The following BDNF variants were observed in gnomAD, a reference collection of about 807,000 sequenced individuals.
BDNF encodes brain derived neurotrophic factor.
Under a neutral mutation model 19.5 loss-of-function variants are expected in BDNF, and 1 was observed. That is an observed-to-expected ratio of 0.05 (90% CI 0.02 to 0.24). The LOEUF (loss-of-function observed/expected upper bound fraction) is 0.24. Among genes scored for constraint, BDNF ranks in the 10% least tolerant of loss-of-function variants. BDNF has a pLI of 1.00. For synonymous variants in BDNF, 100 were observed against 121.6 expected, an observed-to-expected ratio of 0.82 and a Z score of 1.17; for missense variants, 195 against 317.6, an observed-to-expected ratio of 0.61 and a Z score of 2.93.
At chr11:27,686,958 C>T (rs868509641) in intron 1 of BDNF, among the ~76,000 whole-genome samples, 1 of 152,126 alleles carries the variant, frequency 6.6e-6, no homozygotes, top group Non-Finnish European at 1.5e-5. Flanking sequence ...GCTTGTCTTG[C>T]TAGTTTGGGG....
In BDNF at chr11:27,665,732, C is replaced by A. The variant is rs533319431; in HGVS notation, c.-21-7147G>T. ...GCGAGGCTGGGGGAGGGGTGTCCAC[C>A]ATTGCTGAGACTTGAGTAGGTAAAC... On this transcript the variant is annotated intron_variant, in intron 1 of 1. Transcript: ENST00000356660. 4.6e-5 allele frequency among the ~76,000 whole-genome samples: 7 copies of A among 152,272 alleles called. No individual in the cohort carries two copies. In the South Asian group the frequency reaches 1.5e-3, roughly 32 times the overall value.
In BDNF at chr11:27,698,226, C is replaced by CAAAAAAAAAAAAAAAAAAAAAAAAA. The variant is rs10626744; in HGVS notation, c.-22+1913_-22+1937dup. On this transcript the variant is annotated intron_variant, in intron 1 of 1. Coordinates refer to ENST00000356660, the MANE Select transcript of BDNF (RefSeq NM_001709.5). The stretch of plus-strand genomic sequence containing the variant: ...CCTGCTAACCCAGAGGTAAATTTCC[C>CAAAAAAAAAAAAAAAAAAAAAAAAA]AAAAAAAAAAAAAAAAAAAAAAAAA... The CAAAAAAAAAAAAAAAAAAAAAAAAA allele has an allele frequency of 1.1e-3, 92 of 80,822 alleles. 25 individuals are homozygous for CAAAAAAAAAAAAAAAAAAAAAAAAA. Among genetic ancestry groups the CAAAAAAAAAAAAAAAAAAAAAAAAA allele is most frequent in the Middle Eastern group, 0.018 (2 of 112 alleles). The allele number at this position is 80,822 out of a possible 1,614,324, so 5.0% of individuals were successfully genotyped here.
chr11:27,682,887 A>G (rs554272600), intron 1 of BDNF, among the ~76,000 whole-genome samples: 2 of 152,152 alleles, frequency 1.3e-5, no homozygotes, highest in South Asian at 2.1e-4. Context: ...ATGTGTCTTT[A>G]TAGTAGCATG....
chr11:27,708,543 A>G (rs1233948175), intron 1 of BDNF, among the ~76,000 whole-genome samples: 2 of 151,762 alleles, frequency 1.3e-5, no homozygotes, highest in East Asian at 1.9e-4. Flanking sequence ...TGTTATTTAT[A>G]TGATTTTGCT....
intron 1 of BDNF, chr11:27,719,623 G>A: frequency 1.0e-6 from 1 of 985,104 alleles, no homozygotes; most frequent in Non-Finnish European, 1.2e-6. Flanking sequence ...CTCGCGGGGA[G>A]GGAGGACAGA....
At chr11:27,716,032 G>T (rs905885338) in intron 1 of BDNF, among the ~76,000 whole-genome samples, 2 of 152,112 alleles carry the variant, frequency 1.3e-5, no homozygotes, top group African/African-American at 2.4e-5. Flanking sequence ...TCCAAAAATT[G>T]CCAAATGAGA....
chr11:27,717,645 G>A (rs946034487), intron 1 of BDNF, among the ~76,000 whole-genome samples: 2 of 152,160 alleles, frequency 1.3e-5, no homozygotes, highest in African/African-American at 4.8e-5. Context: ...ATAGCATCTA[G>A]GTTAAAATTC....
chr11:27,692,810 T>C (rs986960013), intron 1 of BDNF, among the ~76,000 whole-genome samples: 4 of 152,352 alleles, frequency 2.6e-5, no homozygotes, highest in East Asian at 1.9e-4. Flanking sequence ...ATTACACTTA[T>C]GACAGTTCGT....
At position 27,657,559 on chromosome 11, in the gene BDNF, G is replaced by T. The variant is rs1852735264; in HGVS notation, c.*262C>A. On this transcript the variant is annotated 3_prime_UTR_variant, in exon 2 of 2. Transcript: ENST00000356660. The surrounding 1 kb of genome is among the most constrained non-coding windows in gnomAD (Gnocchi z 5.0). ...TTTTTTTTAACTTTTTATGTTTTCAGTTCTTGGCAACGGCAACAAACCACA... is the reference window on the plus strand; with the variant it reads ...TTTTTTTTAACTTTTTATGTTTTCATTTCTTGGCAACGGCAACAAACCACA... 12 of 1,234,210 alleles carry T rather than the reference G, an allele frequency of 9.7e-6. No individual in the cohort carries two copies. The South Asian group carries it at 2.8e-4, about 29-fold the overall frequency. 76.5% of individuals were successfully genotyped at this position (1,234,210 alleles called of 1,614,324 possible). A position where few individuals can be genotyped will look rare whatever the true frequency, so the allele number is the denominator to read the frequency against.
intron 1 of BDNF, among the ~76,000 whole-genome samples, chr11:27,706,723 C>G (rs1209424730): frequency 6.6e-6 from 1 of 152,100 alleles, no homozygotes; most frequent in African/African-American, 2.4e-5. Flanking sequence ...TCAGGAAACA[C>G]AGGAGTCATG....
At position 27,700,190 on chromosome 11, in the gene BDNF, TC is replaced by T; in HGVS notation, c.-49del. The T allele has an allele frequency of 1.0e-6, 1 of 985,548 alleles. No homozygotes were observed. The highest frequency in any genetic ancestry group is 1.2e-6 in the Non-Finnish European group (1 of 830,116). 61.1% of individuals were successfully genotyped at this position (985,548 alleles called of 1,614,324 possible). On this transcript the variant is annotated 5_prime_UTR_variant, in exon 1 of 2. Transcript: ENST00000356660. ...TCGGGGTCCACACAAACCTCACGGGTCCCCGGCGGCGGAGTCACATCGTGGT... is the reference window on the plus strand; with the variant it reads ...TCGGGGTCCACACAAACCTCACGGGTCCCGGCGGCGGAGTCACATCGTGGT...
chr11:27,662,971 TACTA>T (rs1564947153), intron 1 of BDNF, among the ~76,000 whole-genome samples: 1 of 152,218 alleles, frequency 6.6e-6, no homozygotes, highest in Non-Finnish European at 1.5e-5. Flanking sequence ...CACTACCACA[TACTA>T]ACTGTCCTAC....
At chr11:27,700,953 C>G, upstream of BDNF, 1 of 1,356,460 alleles carries the variant, frequency 7.4e-7, no homozygotes, top group Non-Finnish European at 9.8e-7. Context: ...GCGTGCGTTT[C>G]CCGGGCCACA....
At chr11:27,684,642 C>T (rs951214681) in intron 1 of BDNF, among the ~76,000 whole-genome samples, 2 of 152,158 alleles carry the variant, frequency 1.3e-5, no homozygotes, top group South Asian at 2.1e-4. Context: ...GCCTTTTCTG[C>T]ATCTATTGAA....
intron 1 of BDNF, among the ~76,000 whole-genome samples, chr11:27,662,660 C>T (rs1652675822): frequency 6.6e-6 from 1 of 152,194 alleles, no homozygotes; most frequent in Non-Finnish European, 1.5e-5. Context: ...TCATAAGGAG[C>T]ACACAACCTA....
intron 1 of BDNF, among the ~76,000 whole-genome samples, chr11:27,706,062 G>C (rs1201470046): frequency 6.6e-6 from 1 of 152,170 alleles, no homozygotes; most frequent in East Asian, 1.9e-4. Context: ...TAGTGGCCAG[G>C]GGGTGGTAGT....
chr11:27,708,825 CTTTTTTT>C (rs67977614), intron 1 of BDNF, among the ~76,000 whole-genome samples: 7 of 112,458 alleles, frequency 6.2e-5, no homozygotes, highest in South Asian at 3.0e-4. Flanking sequence ...TAGAATTCCT[CTTTTTTT>C]TTTTTTTTTT....
intron 1 of BDNF, among the ~76,000 whole-genome samples, chr11:27,713,406 T>C (rs1361624950): frequency 1.3e-5 from 2 of 152,214 alleles, no homozygotes; most frequent in Admixed American, 6.5e-5. Context: ...CTCAATTTTT[T>C]CCCACATTCT....
rs1564942936 is a variant in BDNF at position 27,659,644 on chromosome 11, T to C, written c.-21-1059A>G. ...GATGTTCTCTCTGTGTGTGTGTGTG[T>C]GTGTGCGCGCGCGCGTGTGCGCGCG... On this transcript the variant is annotated intron_variant, in intron 1 of 1. Coordinates refer to ENST00000356660, the MANE Select transcript of BDNF (RefSeq NM_001709.5). The C allele has an allele frequency of 7.0e-6, 7 of 997,812 alleles. No homozygotes were observed. The South Asian group carries it at 2.4e-4, about 34-fold the overall frequency. The allele number at this position is 997,812 out of a possible 1,614,324, so 61.8% of individuals were successfully genotyped here.
Sources: gnomAD v4.1 joint callset for allele counts (sites outside exome capture counted in the v4.1 genomes callset) on GRCh38, gnomAD v4.1.1 for gene constraint, Gnocchi (gnomAD v3.1) non-coding constraint, MANE v1.5 for transcripts, NCBI Gene and HGNC (gene_info 2026-07-23, HGNC 2026-07-21) for gene names.